The following EPHX2 variants were observed in gnomAD, a reference collection of about 807,000 sequenced individuals.
EPHX2 encodes the protein epoxide hydrolase 2.
A neutral mutation model predicts 78.7 loss-of-function variants in EPHX2; 74 were observed. The observed-to-expected ratio is 0.94, with a 90% CI of 0.78 to 1.14. EPHX2 has a LOEUF of 1.14. Ranked by LOEUF, EPHX2 falls within the 50% of genes most tolerant of loss-of-function variation. The pLI is 0.00. For synonymous variants in EPHX2, 251 were observed against 255.2 expected (o/e 0.98, Z 0.16); for missense variants, 715 against 702.5 (o/e 1.02, Z -0.20).
chr8:27,513,969 A>G (rs1405767760), intron 6 of EPHX2, among the ~76,000 whole-genome samples: 2 of 152,248 alleles, frequency 1.3e-5, no homozygotes, highest in African/African-American at 4.8e-5. Flanking sequence ...AGGGTCTGCC[A>G]GATGCCCACC....
chr8:27,545,330 A>G lies in EPHX2; in HGVS notation c.*808A>G, dbSNP rs1194844933. 6.6e-6 allele frequency: 1 copy of G among 151,250 alleles called. No homozygotes were observed. The highest frequency in any genetic ancestry group is 2.0e-4 in the East Asian group (1 of 5,106). 9.4% of individuals were successfully genotyped at this position (151,250 alleles called of 1,614,324 possible). A position where few individuals can be genotyped will look rare whatever the true frequency, so the allele number is the denominator to read the frequency against. On this transcript the variant is annotated 3_prime_UTR_variant, in exon 19 of 19. Transcript: ENST00000521400. Reference sequence around the variant, plus strand: ...TCTTCCCCTCTGCCCCCTCCTCCCTATCTTCCCCTCTACCCTCTCCTGCCT... The same window carrying G: ...TCTTCCCCTCTGCCCCCTCCTCCCTGTCTTCCCCTCTACCCTCTCCTGCCT...
intron 1 of EPHX2, among the ~76,000 whole-genome samples, chr8:27,492,195 T>C (rs991272178): frequency 6.6e-6 from 1 of 152,076 alleles, no homozygotes; most frequent in African/African-American, 2.4e-5. Context: ...GTCCGGAGCC[T>C]TTGCTTTTAA....
chr8:27,536,753 G>T (rs1815224416), intron 12 of EPHX2, 31 bp from the exon 13 acceptor site: 1 of 1,612,654 alleles, frequency 6.2e-7, no homozygotes, highest in South Asian at 1.1e-5. Context: ...TTTCTAGGGG[G>T]TCCTTCATTT....
At chr8:27,504,878 G>A in intron 3 of EPHX2, 78 bp from the exon 4 acceptor site, 1 of 1,472,524 alleles carries the variant, frequency 6.8e-7, no homozygotes, top group Non-Finnish European at 9.4e-7. Flanking sequence ...GCCCATCATT[G>A]GAGTCCCTTG....
chr8:27,525,105 TGTGCGCGC>T (rs1176088672), intron 11 of EPHX2, among the ~76,000 whole-genome samples: 14 of 127,492 alleles, frequency 1.1e-4, no homozygotes, highest in East Asian at 2.2e-4. Flanking sequence ...TGTGTGTGTG[TGTGCGCGC>T]GCGCGCGCGC....
intron 6 of EPHX2, among the ~76,000 whole-genome samples, chr8:27,513,204 C>A (rs765587595): frequency 6.6e-6 from 1 of 152,114 alleles, no homozygotes; most frequent in African/African-American, 2.4e-5. Context: ...CATCCAGGCA[C>A]GAGTGGGTTT....
chr8:27,493,859 G>C (rs894023803), intron 1 of EPHX2, among the ~76,000 whole-genome samples: 4 of 152,228 alleles, frequency 2.6e-5, no homozygotes, highest in Non-Finnish European at 4.4e-5. Flanking sequence ...CAGCTGGAAA[G>C]GGTGTTGGGA....
chr8:27,501,366 C>CT (rs1179325007), intron 2 of EPHX2, among the ~76,000 whole-genome samples: 5 of 131,190 alleles, frequency 3.8e-5, no homozygotes, highest in African/African-American at 1.5e-4. Flanking sequence ...TCTTCTTCTT[C>CT]TTCTTCTTCT....
chr8:27,522,228 G>A (rs771574200), intron 10 of EPHX2, among the ~76,000 whole-genome samples, 195 bp from the exon 11 acceptor site: 1 of 152,230 alleles, frequency 6.6e-6, no homozygotes, highest in Non-Finnish European at 1.5e-5. Flanking sequence ...CTAAGCAGAT[G>A]TAAAAGGCTG....
chr8:27,493,768 G>T (rs1813472438), intron 1 of EPHX2, among the ~76,000 whole-genome samples: 1 of 152,164 alleles, frequency 6.6e-6, no homozygotes, highest in South Asian at 2.1e-4. Flanking sequence ...GAATAAACTG[G>T]TTGTGTATGT....
chr8:27,525,097 T>TGCGC (rs1423674316), intron 11 of EPHX2, among the ~76,000 whole-genome samples: 50 of 136,966 alleles, frequency 3.7e-4, no homozygotes, highest in African/African-American at 1.4e-3. Context: ...TGTGTGTGTG[T>TGCGC]GTGTGTGTGT....
At chr8:27,515,627 G>A (rs1050444025) in intron 6 of EPHX2, 91 bp from the exon 7 acceptor site, 29 of 1,062,494 alleles carry the variant, frequency 2.7e-5, no homozygotes, top group Middle Eastern at 2.5e-4. Context: ...GCAACGGACT[G>A]AAACGGCCCT....
intron 12 of EPHX2, among the ~76,000 whole-genome samples, chr8:27,530,803 C>G (rs7839791): frequency 0.35 from 45,571 of 131,294 alleles, 11,067 homozygotes; most frequent in African/African-American, 0.71. Flanking sequence ...CGCTCTTGTT[C>G]CCCAGGCTGG....
chr8:27,501,342 CTTCT>C, intron 2 of EPHX2, among the ~76,000 whole-genome samples: 1 of 112,460 alleles, frequency 8.9e-6, no homozygotes, highest in South Asian at 2.9e-4. Flanking sequence ...TCTTCTTCTT[CTTCT>C]TCTTCTTCTT....
chr8:27,543,251 G>C (rs942807570), intron 16 of EPHX2, among the ~76,000 whole-genome samples: 4 of 152,016 alleles, frequency 2.6e-5, no homozygotes, highest in Non-Finnish European at 5.9e-5. Context: ...ATGGTGGAGC[G>C]AGAACAAAGG....
At chr8:27,493,522 G>C (rs889705570) in intron 1 of EPHX2, among the ~76,000 whole-genome samples, 2 of 152,202 alleles carry the variant, frequency 1.3e-5, no homozygotes, top group Non-Finnish European at 2.9e-5. Context: ...TAATGAAGTA[G>C]TTAAACTGGC....
At chr8:27,500,599 C>G (rs773478120) in intron 1 of EPHX2, among the ~76,000 whole-genome samples, 3 of 152,136 alleles carry the variant, frequency 2.0e-5, no homozygotes, top group Non-Finnish European at 4.4e-5. Context: ...CTGGTGCACA[C>G]GAGGACAGTA....
intron 12 of EPHX2, among the ~76,000 whole-genome samples, chr8:27,536,129 G>A (rs1815202975): frequency 6.6e-6 from 1 of 152,198 alleles, no homozygotes; most frequent in Admixed American, 6.5e-5. Flanking sequence ...TCACCAGGAA[G>A]GCTATGTGTC....
intron 2 of EPHX2, among the ~76,000 whole-genome samples, 176 bp downstream of exon 2, chr8:27,501,186 A>G (rs183299612): frequency 6.6e-6 from 1 of 152,290 alleles, no homozygotes. Flanking sequence ...ACTTGCTAAT[A>G]TATTGTGGCA....
Sources: gnomAD v4.1 joint callset for allele counts (sites outside exome capture counted in the v4.1 genomes callset) on GRCh38, gnomAD v4.1.1 for gene constraint, MANE v1.5 for transcripts, NCBI Gene and HGNC (gene_info 2026-07-23, HGNC 2026-07-21) for gene names.